The following TRRAP variants were observed in gnomAD, a reference collection of about 807,000 sequenced individuals.
The protein encoded by TRRAP is transformation/transcription domain-associated protein.
A neutral mutation model predicts 438.8 loss-of-function variants in TRRAP; 41 were observed. The observed-to-expected ratio is 0.09, with a 90% CI of 0.07 to 0.12. The LOEUF is 0.12. TRRAP is among the 10% of genes least tolerant of loss of function. The pLI is 1.00. For missense variants in TRRAP, 3,122 were observed against 5,055.1 expected, an observed-to-expected ratio of 0.62 and a Z score of 11.60; for synonymous variants, 1,994 against 1,962.9, an observed-to-expected ratio of 1.02 and a Z score of -0.42.
At chr7:99,009,880 CTTTTTT>C (rs138174570) in intron 70 of TRRAP, among the ~76,000 whole-genome samples, 5 of 96,692 alleles carry the variant, frequency 5.2e-5, no homozygotes, top group African/African-American at 2.0e-4. Flanking sequence ...TCATTCTTCT[CTTTTTT>C]TTTTTTTTTT....
At chr7:98,993,832 C>T (rs919941123) in intron 66 of TRRAP, 95 bp downstream of exon 66, 1 of 1,280,276 alleles carries the variant, frequency 7.8e-7, no homozygotes. Flanking sequence ...GCTTTAGTTG[C>T]CGGTCCTTTT....
At chr7:98,927,805 G>T (rs1237159327) in intron 23 of TRRAP, among the ~76,000 whole-genome samples, 1 of 151,988 alleles carries the variant, frequency 6.6e-6, no homozygotes, top group Admixed American at 6.6e-5. Context: ...TCTGCTCCCA[G>T]GATCCTCATT....
chr7:98,959,263 A>G (rs1791772096), intron 44 of TRRAP, 81 bp from the exon 45 acceptor site: 1 of 1,566,696 alleles, frequency 6.4e-7, no homozygotes, highest in Admixed American at 1.7e-5. Flanking sequence ...GGGCCAGGGC[A>G]CAGTTGAGAC....
intron 13 of TRRAP, among the ~76,000 whole-genome samples, chr7:98,907,848 G>A (rs571494755): frequency 2.0e-5 from 3 of 150,976 alleles, no homozygotes; most frequent in African/African-American, 7.3e-5. Context: ...TCCCTGACCT[G>A]CTTCAGCCAT....
At chr7:98,878,792 G>C (rs1795280519) in intron 1 of TRRAP, among the ~76,000 whole-genome samples, 155 bp downstream of exon 1, 1 of 152,014 alleles carries the variant, frequency 6.6e-6, no homozygotes. Flanking sequence ...GCCCACCTGG[G>C]GCTGCGGGGC....
At position 98,956,594 on chromosome 7, in the gene TRRAP, C is replaced by G; in HGVS notation, c.6231+61C>G. ...TCTGCTGGGAGTTGGTTCGTTTATT[C>G]CCTATATTTAGAATGTGAGCTCGGT... On this transcript the variant is annotated intron_variant, in intron 43 of 72. Coordinates refer to ENST00000456197, the MANE Select transcript of TRRAP (RefSeq NM_001375524.1). The surrounding 1 kb of genome is among the most constrained non-coding windows in gnomAD (Gnocchi z 4.5). 2 of 1,565,348 alleles carry G rather than the reference C, an allele frequency of 1.3e-6. No homozygotes were observed. The highest frequency in any genetic ancestry group is 2.4e-5 in the South Asian group (2 of 82,926).
At chr7:98,941,502 A>G (rs1790795806) in intron 30 of TRRAP, among the ~76,000 whole-genome samples, 2 of 152,168 alleles carry the variant, frequency 1.3e-5, no homozygotes, top group South Asian at 4.1e-4. Flanking sequence ...TTTCCTCATC[A>G]AACTAAAGAT....
At chr7:98,954,085 C>G (rs917920551) in intron 40 of TRRAP, among the ~76,000 whole-genome samples, 1 of 152,214 alleles carries the variant, frequency 6.6e-6, no homozygotes, top group African/African-American at 2.4e-5. Flanking sequence ...CTTTTGGATC[C>G]GTATCTCATG....
At chr7:98,937,869 A>T in intron 30 of TRRAP, 49 bp downstream of exon 30, 2 of 1,524,562 alleles carry the variant, frequency 1.3e-6, no homozygotes, top group Non-Finnish European at 8.8e-7. Flanking sequence ...CAAAAAATTA[A>T]ATTATTTTAA....
At chr7:98,953,869 A>C (rs1272277733) in intron 40 of TRRAP, among the ~76,000 whole-genome samples, 1 of 152,108 alleles carries the variant, frequency 6.6e-6, no homozygotes, top group East Asian at 1.9e-4. Flanking sequence ...GAGCCCTCCC[A>C]TGACTGTCCA....
chr7:98,963,546 A>G (rs1302630423), intron 47 of TRRAP, among the ~76,000 whole-genome samples: 1 of 152,176 alleles, frequency 6.6e-6, no homozygotes, highest in Non-Finnish European at 1.5e-5. Flanking sequence ...CGTCGTCCCC[A>G]TGCCGGATCT....
chr7:98,968,707 T>C (rs970132449), intron 51 of TRRAP, among the ~76,000 whole-genome samples: 3 of 152,178 alleles, frequency 2.0e-5, no homozygotes, highest in Non-Finnish European at 4.4e-5. Flanking sequence ...TTAGTTCTCT[T>C]TGATGAGAAG....
intron 11 of TRRAP, 103 bp from the exon 12 acceptor site, chr7:98,903,276 C>A (rs1054832529): frequency 6.1e-6 from 9 of 1,465,952 alleles, no homozygotes; most frequent in Non-Finnish European, 8.3e-6. Flanking sequence ...CCCACCTCGG[C>A]CTCCCAAAGG....
chr7:99,008,320 T>A (rs1043081974), intron 69 of TRRAP, 57 bp from the exon 70 acceptor site: 1 of 1,556,648 alleles, frequency 6.4e-7, no homozygotes, highest in African/African-American at 1.3e-5. Flanking sequence ...ACGGTGGAGC[T>A]GAGCACTGGC....
At chr7:98,970,057 G>T in intron 51 of TRRAP, 55 bp from the exon 52 acceptor site, 1 of 1,586,158 alleles carries the variant, frequency 6.3e-7, no homozygotes, top group Non-Finnish European at 8.6e-7. Context: ...AAGTCCAGAT[G>T]CCCTGAATGC....
chr7:98,965,837 C>G lies in TRRAP; in HGVS notation c.7118C>G (p.Ala2373Gly), dbSNP rs1792128089. The change falls in exon 49 of 73, where the codon GCT (alanine) becomes GGT (glycine). Residue 2373 changes from alanine to glycine, a missense_variant. Ala to Gly is a moderately conservative substitution (Grantham distance 60). This residue lies in a region of TRRAP where 992 missense variants were observed against 1,281.2 expected (regional missense o/e 0.77). Coordinates refer to ENST00000456197, the MANE Select transcript of TRRAP (RefSeq NM_001375524.1). ...TCACCAGATGCCAAAATCCTCCGGG[C>G]TGTGGTCAAAATCGTGGAAGAATGG... ...EKSPDAKILR[A>G]VVKIVEEWVK... is the part of the protein sequence containing the mutation. The G allele has an allele frequency of 1.2e-6, 2 of 1,614,140 alleles. No homozygotes were observed. The highest frequency in any genetic ancestry group is 1.7e-6 in the Non-Finnish European group (2 of 1,180,032).
At position 98,992,542 on chromosome 7, in the gene TRRAP, ACAG is replaced by A. The variant is rs548631265; in HGVS notation, c.9847+319_9847+321del. 1.5e-4 allele frequency among the ~76,000 whole-genome samples: 22 copies of A among 151,290 alleles called. No homozygotes were observed. The South Asian group carries it at 4.6e-3, about 32-fold the overall frequency. On this transcript the variant is annotated intron_variant, in intron 65 of 72. Coordinates refer to ENST00000456197, the MANE Select transcript of TRRAP (RefSeq NM_001375524.1). ...CTTAGTAGTAAGTGCATCCCAATAC[ACAG>A]CAGATGCCAGCTGCCGTGTGTGTGT...
intron 53 of TRRAP, among the ~76,000 whole-genome samples, chr7:98,972,391 C>T (rs1024676502): frequency 6.6e-5 from 10 of 152,190 alleles, no homozygotes; most frequent in Non-Finnish European, 1.2e-4. Context: ...ATTTCTCCAC[C>T]ACCATCTCTT....
chr7:98,958,219 C>T (rs1455243233), intron 44 of TRRAP, 128 bp downstream of exon 44: 6 of 757,820 alleles, frequency 7.9e-6, no homozygotes, highest in South Asian at 5.7e-5. Context: ...CCAGCTGGTT[C>T]TGTCATTTTC....
Sources: gnomAD v4.1 joint callset for allele counts (sites outside exome capture counted in the v4.1 genomes callset) on GRCh38, gnomAD v4.1.1 for gene constraint, gnomAD v4.1.1 regional missense constraint, Gnocchi (gnomAD v3.1) non-coding constraint, MANE v1.5 for transcripts, NCBI Gene and HGNC (gene_info 2026-07-23, HGNC 2026-07-21) for gene names.